The following FRMD4A variants were observed in gnomAD, a reference collection of about 807,000 sequenced individuals.
FRMD4A encodes FERM domain containing 4A.
FRMD4A carries 29 observed loss-of-function variants against 129.1 expected under a neutral mutation model. That is an observed-to-expected ratio of 0.22 (90% CI 0.17 to 0.31). The LOEUF (loss-of-function observed/expected upper bound fraction) is 0.31, where lower values mean the gene tolerates loss of function less well. Ranked by LOEUF, FRMD4A falls within the 10% of genes least tolerant of loss-of-function variation. The pLI, the probability that FRMD4A is intolerant of heterozygous loss-of-function variation, is 1.00. For missense variants in FRMD4A, 1,272 were observed against 1,375.8 expected, an observed-to-expected ratio of 0.92 and a Z score of 1.19; for synonymous variants, 634 against 571.6, an observed-to-expected ratio of 1.11 and a Z score of -1.56.
rs2088306078 is a variant in FRMD4A at position 13,713,820 on chromosome 10, ATATATATACATATATGT to A, written c.760-6724_760-6708del. 3.4e-5 allele frequency among the ~76,000 whole-genome samples: 2 copies of A among 59,150 alleles called. 1 individual carries two copies. The highest frequency in any genetic ancestry group is 5.2e-4 in the Admixed American group (2 of 3,870). 38.8% of individuals were successfully genotyped at this position (59,150 alleles called of 152,430 possible). A position where few individuals can be genotyped will look rare whatever the true frequency, so the allele number is the denominator to read the frequency against. ...TGTAATATATATACACATATATATA[ATATATATACATATATGT>A]AATATATATACACATATATATAATA... is the stretch of plus-strand genomic sequence containing the variant. On this transcript the variant is annotated intron_variant, in intron 12 of 24. Coordinates refer to ENST00000357447, the MANE Select transcript of FRMD4A (RefSeq NM_018027.5).
chr10:14,314,804 G>A (rs939788717), intron 2 of FRMD4A, among the ~76,000 whole-genome samples: 4 of 151,844 alleles, frequency 2.6e-5, no homozygotes, highest in African/African-American at 7.3e-5. Context: ...CCTCCCCATC[G>A]CCTACAAATT....
At chr10:14,235,205 A>G (rs1453352707) in intron 2 of FRMD4A, among the ~76,000 whole-genome samples, 1 of 149,582 alleles carries the variant, frequency 6.7e-6, no homozygotes, top group East Asian at 2.0e-4. Flanking sequence ...GCTGGAGTGC[A>G]GTGGCGCGAT....
chr10:14,232,985 GA>G (rs987735693), intron 2 of FRMD4A, among the ~76,000 whole-genome samples: 5 of 150,900 alleles, frequency 3.3e-5, no homozygotes, highest in East Asian at 3.9e-4. Context: ...TGTAGAGTAG[GA>G]AAAAAAAATA....
chr10:14,300,341 C>G (rs779984354), intron 2 of FRMD4A, among the ~76,000 whole-genome samples: 17 of 152,142 alleles, frequency 1.1e-4, no homozygotes, highest in Non-Finnish European at 1.9e-4. Flanking sequence ...ATGCCCTGCA[C>G]CAAGCTTAGA....
At chr10:14,127,948 TTC>T (rs1564319074) in intron 2 of FRMD4A, among the ~76,000 whole-genome samples, 2 of 18,822 alleles carry the variant, frequency 1.1e-4, no homozygotes, top group Non-Finnish European at 2.0e-4. Context: ...CTTTCTTTCT[TTC>T]TTTCTTTCTT....
chr10:13,656,439 T>A (rs74123097), intron 22 of FRMD4A, among the ~76,000 whole-genome samples, 197 bp downstream of exon 22: 7,411 of 152,190 alleles, frequency 0.049, 509 homozygotes, highest in African/African-American at 0.15. Context: ...AGATTAGGGT[T>A]AGAACGGGGC....
At chr10:14,295,876 T>C (rs1218625042) in intron 2 of FRMD4A, among the ~76,000 whole-genome samples, 1 of 152,096 alleles carries the variant, frequency 6.6e-6, no homozygotes, top group African/African-American at 2.4e-5. Context: ...CAAAAATAAT[T>C]TAAGAAAATG....
Position 13,703,320 on chromosome 10 carries a change from C to T in FRMD4A, c.837-1842G>A, listed in dbSNP as rs189611293. Among the ~76,000 whole-genome samples, 3 of 152,266 alleles carry T rather than the reference C, an allele frequency of 2.0e-5. No homozygotes were observed. The East Asian group carries it at 5.8e-4, about 29-fold the overall frequency. On this transcript the variant is annotated intron_variant, in intron 13 of 24. Coordinates refer to ENST00000357447, the MANE Select transcript of FRMD4A (RefSeq NM_018027.5). ...CCTCATCTTTCGCTTCAAGCCCTTC[C>T]TATTTTACCCAAACCGTAGAAGTGA...
chr10:13,884,703 T>C (rs1187438309), intron 2 of FRMD4A, among the ~76,000 whole-genome samples: 3 of 152,136 alleles, frequency 2.0e-5, no homozygotes, highest in African/African-American at 7.2e-5. Flanking sequence ...CTCCCAGTGA[T>C]AGACCCTAAT....
chr10:13,689,216 G>GTGGGGGGTGGGGGGGT (rs1258844891), intron 15 of FRMD4A, among the ~76,000 whole-genome samples: 6 of 75,410 alleles, frequency 8.0e-5, no homozygotes, highest in Admixed American at 1.6e-4. Context: ...GGGGGGGGGG[G>GTGGGGGGTGGGGGGGT]GGGGAGGGCT....
intron 2 of FRMD4A, among the ~76,000 whole-genome samples, chr10:14,198,426 A>G (rs949169761): frequency 6.6e-6 from 1 of 152,206 alleles, no homozygotes; most frequent in African/African-American, 2.4e-5. Context: ...GAAGGGGCCT[A>G]GGCAATTTCA....
intron 2 of FRMD4A, among the ~76,000 whole-genome samples, chr10:14,250,577 G>A (rs1216380561): frequency 8.5e-5 from 13 of 152,198 alleles, no homozygotes; most frequent in Admixed American, 2.0e-4. Context: ...CCAACAAAGT[G>A]TGTAAACCTC....
intron 4 of FRMD4A, among the ~76,000 whole-genome samples, chr10:13,804,714 CTTTT>C (rs35111872): frequency 5.6e-4 from 72 of 127,750 alleles, no homozygotes; most frequent in South Asian, 4.3e-3. Flanking sequence ...CCAGCTAATT[CTTTT>C]TTTTTTTTTT....
intron 2 of FRMD4A, among the ~76,000 whole-genome samples, chr10:14,078,159 C>T (rs1835719242): frequency 6.6e-6 from 1 of 152,268 alleles, no homozygotes; most frequent in African/African-American, 2.4e-5. Flanking sequence ...AAATACAAAC[C>T]ACTGGCCAGA....
In FRMD4A at chr10:13,846,547, T is replaced by C. The variant is rs182960764; in HGVS notation, c.111+12300A>G. Reference sequence around the variant, plus strand: ...AGAATCGTTGGTCTACAAGACTCTATAGTAGGGTCACATGGTGGCTTCTGT... The same window carrying C: ...AGAATCGTTGGTCTACAAGACTCTACAGTAGGGTCACATGGTGGCTTCTGT... On this transcript the variant is annotated intron_variant, in intron 3 of 24. Coordinates refer to ENST00000357447, the MANE Select transcript of FRMD4A (RefSeq NM_018027.5). Among the ~76,000 whole-genome samples the C allele has an allele frequency of 5.9e-5, 9 of 152,318 alleles. No individual in the cohort carries two copies. In the East Asian group the frequency reaches 1.5e-3, roughly 26 times the overall value.
chr10:14,126,865 C>T (rs943592466), intron 2 of FRMD4A, among the ~76,000 whole-genome samples: 3 of 151,890 alleles, frequency 2.0e-5, no homozygotes, highest in African/African-American at 4.8e-5. Context: ...GAGAATGAAT[C>T]GTAATGAGTC....
intron 17 of FRMD4A, among the ~76,000 whole-genome samples, chr10:13,666,572 C>A (rs754609964): frequency 2.6e-5 from 4 of 152,196 alleles, no homozygotes; most frequent in African/African-American, 7.2e-5. Flanking sequence ...AGAGTTCCCA[C>A]GATGCAGGTT....
chr10:14,194,403 G>A (rs1842410804), intron 2 of FRMD4A, among the ~76,000 whole-genome samples: 1 of 152,222 alleles, frequency 6.6e-6, no homozygotes, highest in Admixed American at 6.5e-5. Context: ...GAAGTCAGGA[G>A]ATCGAGACCA....
intron 12 of FRMD4A, among the ~76,000 whole-genome samples, chr10:13,732,710 G>T (rs914276001): frequency 2.0e-5 from 3 of 152,348 alleles, no homozygotes; most frequent in South Asian, 2.1e-4. Flanking sequence ...TGGCAGAGAT[G>T]TGCCAAGCAC....
Sources: allele counts gnomAD v4.1 joint callset (sites outside exome capture counted in the v4.1 genomes callset), GRCh38; gene constraint gnomAD v4.1.1; transcripts MANE v1.5; gene names NCBI Gene and HGNC (gene_info 2026-07-23, HGNC 2026-07-21).